The following CRYBG1 variants were observed in gnomAD, a reference collection of about 807,000 sequenced individuals.
CRYBG1 encodes the protein beta/gamma crystallin domain-containing protein 1.
CRYBG1 carries 139 observed loss-of-function variants against 189.2 expected under a neutral mutation model. The observed-to-expected ratio is 0.73, with a 90% CI of 0.64 to 0.85. The LOEUF is 0.85. Among genes scored for constraint, CRYBG1 ranks in the 40% least tolerant of loss-of-function variants. The pLI is 0.00. For missense variants in CRYBG1, 2,611 were observed against 2,675.8 expected, an observed-to-expected ratio of 0.98 and a Z score of 0.53; for synonymous variants, 1,023 against 1,017.1, an observed-to-expected ratio of 1.01 and a Z score of -0.11.
At chr6:106,424,645 A>G (rs56408647) in intron 1 of CRYBG1, among the ~76,000 whole-genome samples, 4,861 of 152,190 alleles carry the variant, frequency 0.032, 262 homozygotes, top group African/African-American at 0.11. Context: ...TATTATTAGT[A>G]GAGACGGGGT....
chr6:106,546,784 A>G (rs1774273987), intron 13 of CRYBG1, among the ~76,000 whole-genome samples: 1 of 152,222 alleles, frequency 6.6e-6, no homozygotes, highest in Non-Finnish European at 1.5e-5. Flanking sequence ...GATTGTCTTT[A>G]AAGCTAATTA....
At chr6:106,480,499 G>C (rs1331850432) in intron 2 of CRYBG1, among the ~76,000 whole-genome samples, 2 of 109,704 alleles carry the variant, frequency 1.8e-5, no homozygotes, top group African/African-American at 6.1e-5. Flanking sequence ...TTTCTCTACT[G>C]AAAAAAAAAA....
chr6:106,517,811 G>T (rs576281922), intron 3 of CRYBG1, among the ~76,000 whole-genome samples: 1 of 152,236 alleles, frequency 6.6e-6, no homozygotes, highest in African/African-American at 2.4e-5. Context: ...TAGCATAAAA[G>T]CCAGGACCAG....
chr6:106,541,082 C>T (rs368870151), intron 9 of CRYBG1: 1 of 326,440 alleles, frequency 3.1e-6, no homozygotes. Flanking sequence ...TTCGTAAGCC[C>T]TGGTTGCAAA....
rs542468253 is a variant in CRYBG1 at position 106,419,020 on chromosome 6, G to A, written c.174-32674G>A. Among the ~76,000 whole-genome samples the A allele has an allele frequency of 1.1e-3, 162 of 152,280 alleles. 1 individual carries two copies. Among genetic ancestry groups the A allele is most frequent in the African/African-American group, 3.4e-3 (141 of 41,552 alleles). On this transcript the variant is annotated intron_variant, in intron 1 of 21. Coordinates refer to ENST00000633556, the MANE Select transcript of CRYBG1 (RefSeq NM_001371242.2). ...CCACCCTACCCTAATCTTTTATTAT[G>A]CAAATCGGTTTTTTCCTGGCCAGTG...
chr6:106,420,871 A>G (rs1019390674), intron 1 of CRYBG1: 2 of 152,324 alleles, frequency 1.3e-5, no homozygotes, highest in African/African-American at 4.8e-5. Context: ...GTAAGCCTCT[A>G]TTTTCTAGTA....
chr6:106,565,160 A>T (rs954166090), intron 21 of CRYBG1, among the ~76,000 whole-genome samples: 2 of 152,070 alleles, frequency 1.3e-5, no homozygotes, highest in African/African-American at 4.8e-5. Flanking sequence ...TCTACTAAAA[A>T]ATACAAAAAA....
In CRYBG1 at chr6:106,520,909, G is replaced by A. The variant is rs201716413; in HGVS notation, c.3701G>A (p.Arg1234Lys). 6.2e-7 allele frequency: 1 copy of A among 1,614,174 alleles called. No homozygotes were observed. The highest frequency in any genetic ancestry group is 1.7e-5 in the Admixed American group (1 of 60,020). Residue 1234 changes from arginine to lysine, a missense_variant, in exon 4 of 22, where the codon AGA becomes AAA. Physicochemically the swap from Arg to Lys is conservative, Grantham distance 26. Coordinates refer to ENST00000633556, the MANE Select transcript of CRYBG1 (RefSeq NM_001371242.2). ...NRDVTNGGIK[R>K]SRLEKSALFS... ...GACGTCACAAATGGTGGCATTAAGA[G>A]ATCGAGACTAGAAAAAAGTGCACTT...
chr6:106,404,008 T>C (rs1164827976), intron 1 of CRYBG1, among the ~76,000 whole-genome samples: 2 of 152,220 alleles, frequency 1.3e-5, no homozygotes, highest in African/African-American at 4.8e-5. Context: ...TTAAGTAAAC[T>C]TGCTCAGAGG....
chr6:106,483,391 G>T (rs2353057), intron 2 of CRYBG1, among the ~76,000 whole-genome samples: 22,090 of 96,076 alleles, frequency 0.23, 3,875 homozygotes, highest in East Asian at 0.55. Context: ...TATATATATA[G>T]ATATATATAT....
intron 1 of CRYBG1, among the ~76,000 whole-genome samples, chr6:106,444,821 G>T (rs1457161205): frequency 6.6e-6 from 1 of 152,160 alleles, no homozygotes; most frequent in Non-Finnish European, 1.5e-5. Context: ...AGCATATTGG[G>T]AGATGGCTCC....
intron 1 of CRYBG1, among the ~76,000 whole-genome samples, chr6:106,432,330 T>G (rs893893725): frequency 2.6e-5 from 4 of 152,230 alleles, no homozygotes; most frequent in Non-Finnish European, 4.4e-5. Context: ...TGAAACAGTT[T>G]GCAATACAAT....
At chr6:106,362,091 C>CT (rs1375694025) in intron 1 of CRYBG1, among the ~76,000 whole-genome samples, 4 of 150,192 alleles carry the variant, frequency 2.7e-5, no homozygotes, top group African/African-American at 9.8e-5. Context: ...CTGCCTCAGC[C>CT]CCCGAGTAGC....
At chr6:106,377,095 T>C (rs1441249740) in intron 1 of CRYBG1, among the ~76,000 whole-genome samples, 1 of 152,218 alleles carries the variant, frequency 6.6e-6, no homozygotes, top group Non-Finnish European at 1.5e-5. Flanking sequence ...TCTTGTCTTA[T>C]TTGGATAGTA....
intron 1 of CRYBG1, among the ~76,000 whole-genome samples, chr6:106,408,276 A>G (rs2114367052): frequency 6.6e-6 from 1 of 152,360 alleles, no homozygotes; most frequent in Middle Eastern, 3.4e-3. Flanking sequence ...AATCTAGAAG[A>G]AATGGATAAA....
Position 106,512,445 on chromosome 6 carries a change from G to GGGAC in CRYBG1, c.1330_1333dup (p.Asp445GlyfsTer17). 1 of 1,610,452 alleles carries GGGAC rather than the reference G, an allele frequency of 6.2e-7. No individual in the cohort carries two copies. Among genetic ancestry groups the GGGAC allele is most frequent in the Non-Finnish European group, 8.5e-7 (1 of 1,178,886 alleles). ...GCCGAGCTCCCTGAGAGCGCTGCCA[G>GGGAC]GGACGACGCGGTGTTCGACGACGAG... On this transcript the variant is annotated frameshift_variant, in exon 3 of 22. Coordinates refer to ENST00000633556, the MANE Select transcript of CRYBG1 (RefSeq NM_001371242.2). LOFTEE classifies it high-confidence loss of function.
chr6:106,434,523 G>A (rs1204342726), intron 1 of CRYBG1, among the ~76,000 whole-genome samples: 1 of 152,104 alleles, frequency 6.6e-6, no homozygotes, highest in African/African-American at 2.4e-5. Flanking sequence ...TTCAATGAAG[G>A]TTATAAAAGT....
In CRYBG1 at chr6:106,360,992, C is replaced by A. The variant is rs1208794274; in HGVS notation, c.84C>A (p.Leu28=). ...CTAAGAAGCACACCACCTTCCACCT[C>A]TGGCGCTCCAAAAAGAAGCAGCAGC... ...RPPKKHTTFH[L]WRSKKKQQPA... Residue 28 remains leucine, a synonymous_variant, in exon 1 of 22, where the codon CTC becomes CTA. Coordinates refer to ENST00000633556, the MANE Select transcript of CRYBG1 (RefSeq NM_001371242.2). The A allele has an allele frequency of 1.8e-5, 27 of 1,535,302 alleles. No individual in the cohort carries two copies. Among genetic ancestry groups the A allele is most frequent in the Non-Finnish European group, 2.4e-5 (27 of 1,146,618 alleles).
At position 106,512,615 on chromosome 6, in the gene CRYBG1, T is replaced by C. The variant is rs1773309666; in HGVS notation, c.1498T>C (p.Ser500Pro). 6.3e-7 allele frequency: 1 copy of C among 1,599,548 alleles called. No homozygotes were observed. Among genetic ancestry groups the C allele is most frequent in the Admixed American group, 1.7e-5 (1 of 58,016 alleles). Residue 500 changes from serine (S) to proline (P), a missense_variant, in exon 3 of 22, where the codon TCG (serine) becomes CCG (proline). Transcript: ENST00000633556. ...PGTKGQLRGE[S>P]DRSKQPPPAS... ...TACCAAAGGGCAGCTCCGAGGGGAG[T>C]CGGACCGGAGCAAACAGCCACCCCC...
Sources: gnomAD v4.1 joint callset for allele counts (sites outside exome capture counted in the v4.1 genomes callset) on GRCh38, gnomAD v4.1.1 for gene constraint, MANE v1.5 for transcripts, NCBI Gene and HGNC (gene_info 2026-07-23, HGNC 2026-07-21) for gene names.